Variants in SHROOM3 observed in about 807,000 individuals in gnomAD.
SHROOM3 encodes the protein protein Shroom3.
SHROOM3 carries 47 observed loss-of-function variants against 138.6 expected under a neutral mutation model. The ratio of observed to expected loss-of-function variants is 0.34; its 90% confidence interval spans 0.27 to 0.43. SHROOM3 has a LOEUF of 0.43. Among genes scored for constraint, SHROOM3 ranks in the 20% least tolerant of loss-of-function variants. The pLI is 1.00. For synonymous variants in SHROOM3, 1,062 were observed against 1,063.3 expected (o/e 1.00, Z 0.02); for missense variants, 2,491 against 2,596.5 (o/e 0.96, Z 0.88).
At chr4:76,567,865 T>A (rs894841377) in intron 2 of SHROOM3, among the ~76,000 whole-genome samples, 2 of 152,030 alleles carry the variant, frequency 1.3e-5, no homozygotes. Context: ...GACCCATTGT[T>A]TTTTACTGGT....
intron 2 of SHROOM3, among the ~76,000 whole-genome samples, chr4:76,591,738 C>T (rs1003925454): frequency 1.3e-5 from 2 of 151,336 alleles, no homozygotes; most frequent in African/African-American, 4.8e-5. Context: ...TTCTGAAACA[C>T]AGGTTCCTAA....
chr4:76,598,016 A>G (rs1176766372), intron 2 of SHROOM3, among the ~76,000 whole-genome samples: 1 of 143,162 alleles, frequency 7.0e-6, no homozygotes, highest in East Asian at 2.1e-4. Flanking sequence ...TAGATGAGAA[A>G]AATCTATGAC....
At chr4:76,657,428 G>A (rs1736089699) in intron 2 of SHROOM3, among the ~76,000 whole-genome samples, 2 of 152,026 alleles carry the variant, frequency 1.3e-5, no homozygotes, top group South Asian at 4.2e-4. Flanking sequence ...TTTTCCTCCT[G>A]GTAAATGACA....
At chr4:76,694,686 T>G (rs191453086) in intron 2 of SHROOM3, among the ~76,000 whole-genome samples, 1 of 152,332 alleles carries the variant, frequency 6.6e-6, no homozygotes, top group Non-Finnish European at 1.5e-5. Flanking sequence ...AGAGAGGTAT[T>G]AATATTTATT....
At chr4:76,778,222 A>AT (rs71212454) in intron 10 of SHROOM3, among the ~76,000 whole-genome samples, 18,048 of 139,902 alleles carry the variant, frequency 0.13, 1,248 homozygotes, top group South Asian at 0.23. Flanking sequence ...TACCTTGATG[A>AT]TTTTTTTTTT....
At chr4:76,565,160 C>CAAAAAAAAA (rs1166896258) in intron 2 of SHROOM3, among the ~76,000 whole-genome samples, 3 of 135,948 alleles carry the variant, frequency 2.2e-5, no homozygotes, top group African/African-American at 8.3e-5. Flanking sequence ...GACTCCATTT[C>CAAAAAAAAA]AAAAAAAAAA....
intron 1 of SHROOM3, among the ~76,000 whole-genome samples, chr4:76,441,106 T>TTTTTTG (rs1302440381): frequency 6.9e-6 from 1 of 144,756 alleles, no homozygotes; most frequent in Non-Finnish European, 1.5e-5. Flanking sequence ...TTTTTTTTTT[T>TTTTTTG]TGAGACAGAG....
intron 1 of SHROOM3, among the ~76,000 whole-genome samples, chr4:76,481,503 G>C (rs557911105): frequency 4.7e-4 from 71 of 150,760 alleles, no homozygotes; most frequent in African/African-American, 1.7e-3. Context: ...TGCCAACCAG[G>C]TAGGCTATTA....
chr4:76,654,918 G>A (rs549323065), intron 2 of SHROOM3, among the ~76,000 whole-genome samples: 71 of 152,280 alleles, frequency 4.7e-4, no homozygotes, highest in Middle Eastern at 3.4e-3. Flanking sequence ...ATTGAGTAGA[G>A]AAGCCAGGAT....
chr4:76,732,863 A>T (rs997904037), intron 4 of SHROOM3, among the ~76,000 whole-genome samples: 1 of 152,136 alleles, frequency 6.6e-6, no homozygotes, highest in Non-Finnish European at 1.5e-5. Flanking sequence ...TACCTACATC[A>T]TTGGATTGTT....
In SHROOM3 at chr4:76,741,356, C is replaced by A. The variant is rs945599663; in HGVS notation, c.3183C>A (p.Phe1061Leu). Reference protein sequence around the residue: ...ESSVADRRRLFERDGKACSTL... With the variant: ...ESSVADRRRLLERDGKACSTL... Reference sequence around the variant, plus strand: ...GCGTGGCCGACCGGCGCCGTCTCTTCGAGCGCGATGGCAAGGCCTGCTCCA... The same window carrying A: ...GCGTGGCCGACCGGCGCCGTCTCTTAGAGCGCGATGGCAAGGCCTGCTCCA... Residue 1061 changes from phenylalanine to leucine, a missense_variant, in exon 5 of 11, where the codon TTC (phenylalanine) becomes TTA (leucine). Coordinates refer to ENST00000296043, the MANE Select transcript of SHROOM3 (RefSeq NM_020859.4). The surrounding 1 kb of genome is among the most constrained non-coding windows in gnomAD (Gnocchi z 6.2). 1.1e-5 allele frequency: 18 copies of A among 1,608,568 alleles called. No homozygotes were observed. Among genetic ancestry groups the A allele is most frequent in the Non-Finnish European group, 1.5e-5 (18 of 1,178,322 alleles).
At chr4:76,442,205 G>T (rs1008302529) in intron 1 of SHROOM3, among the ~76,000 whole-genome samples, 2 of 152,246 alleles carry the variant, frequency 1.3e-5, no homozygotes, top group African/African-American at 4.8e-5. Context: ...AATGTTAAAT[G>T]ACTTACAGGA....
chr4:76,704,730 G>A (rs1239381957), intron 2 of SHROOM3, among the ~76,000 whole-genome samples: 1 of 152,170 alleles, frequency 6.6e-6, no homozygotes, highest in African/African-American at 2.4e-5. Context: ...TTTCATCAGG[G>A]AATGACATCA....
intron 2 of SHROOM3, among the ~76,000 whole-genome samples, chr4:76,669,893 C>A (rs893698411): frequency 6.6e-6 from 1 of 152,224 alleles, no homozygotes; most frequent in African/African-American, 2.4e-5. Context: ...CATCCATGTG[C>A]CTACCTGCCA....
intron 1 of SHROOM3, among the ~76,000 whole-genome samples, chr4:76,482,921 T>A: frequency 6.6e-6 from 1 of 152,136 alleles, no homozygotes; most frequent in East Asian, 1.9e-4. Flanking sequence ...ATTTAATAAA[T>A]GGTGTTGGGA....
intron 1 of SHROOM3, among the ~76,000 whole-genome samples, chr4:76,474,525 G>A (rs1455164377): frequency 1.3e-5 from 2 of 152,142 alleles, no homozygotes; most frequent in African/African-American, 4.8e-5. Flanking sequence ...ATTATAGATT[G>A]TACAAAGAGA....
chr4:76,454,331 A>C (rs1730985140), intron 1 of SHROOM3, among the ~76,000 whole-genome samples: 1 of 152,250 alleles, frequency 6.6e-6, no homozygotes, highest in African/African-American at 2.4e-5. Flanking sequence ...GGTGTGAGCC[A>C]CTGCACCCAG....
chr4:76,552,750 A>G (rs1194000566), intron 1 of SHROOM3, among the ~76,000 whole-genome samples: 2 of 150,986 alleles, frequency 1.3e-5, no homozygotes, highest in Non-Finnish European at 2.9e-5. Context: ...CTTGAGACCT[A>G]TTGAAGGTTT....
chr4:76,592,306 TAGG>T (rs998050897), intron 2 of SHROOM3, among the ~76,000 whole-genome samples: 60 of 152,318 alleles, frequency 3.9e-4, no homozygotes, highest in Admixed American at 3.3e-3. Flanking sequence ...GAAAAAATCC[TAGG>T]AGAACTTGCT....
Sources: allele counts gnomAD v4.1 joint callset (sites outside exome capture counted in the v4.1 genomes callset), GRCh38; gene constraint gnomAD v4.1.1; non-coding constraint Gnocchi (gnomAD v3.1); transcripts MANE v1.5; gene names NCBI Gene and HGNC (gene_info 2026-07-23, HGNC 2026-07-21).